RBFOX1: variants seen among roughly 807,000 people sequenced by gnomAD.
The protein encoded by RBFOX1 is RNA binding fox-1 homolog 1, also known as RNA binding protein fox-1 homolog 1.
RBFOX1 carries 8 observed loss-of-function variants against 57.7 expected under a neutral mutation model. The ratio of observed to expected loss-of-function variants is 0.14; its 90% CI spans 0.08 to 0.25. The LOEUF (loss-of-function observed/expected upper bound fraction) is 0.25. Ranked by LOEUF, RBFOX1 falls within the 10% of genes least tolerant of loss-of-function variation. The pLI is 1.00. For missense variants in RBFOX1, 611 were observed against 548.5 expected, an observed-to-expected ratio of 1.11 and a Z score of -1.14; for synonymous variants, 326 against 222.4, an observed-to-expected ratio of 1.47 and a Z score of -4.15.
At chr16:6,127,376 A>T (rs965154223) in intron 1 of RBFOX1, among the ~76,000 whole-genome samples, 1 of 151,790 alleles carries the variant, frequency 6.6e-6, no homozygotes, top group Admixed American at 6.6e-5. Flanking sequence ...TTTTTTAAAA[A>T]TTGCTCTCTG....
chr16:7,453,128 CAAAAAAA>C (rs35613776), intron 4 of RBFOX1, among the ~76,000 whole-genome samples: 4 of 113,248 alleles, frequency 3.5e-5, no homozygotes, highest in African/African-American at 3.4e-5. Context: ...GGCTTTGTCT[CAAAAAAA>C]AAAAAAAAAA....
At chr16:6,367,982 C>A (rs1157057347) in intron 2 of RBFOX1, among the ~76,000 whole-genome samples, 2 of 152,178 alleles carry the variant, frequency 1.3e-5, no homozygotes, top group Non-Finnish European at 2.9e-5. Flanking sequence ...AGAAGTAGCA[C>A]AAAGTAAGAT....
chr16:7,627,680 C>T (rs1327344052), intron 10 of RBFOX1, among the ~76,000 whole-genome samples: 2 of 152,114 alleles, frequency 1.3e-5, no homozygotes, highest in African/African-American at 2.4e-5. Context: ...CTTTTTAAAA[C>T]AAACACACTT....
chr16:5,377,637 T>G (rs2066021027), intron 1 of RBFOX1, among the ~76,000 whole-genome samples: 1 of 149,972 alleles, frequency 6.7e-6, no homozygotes, highest in African/African-American at 2.5e-5. Context: ...AGAACGAGAA[T>G]GAGAATGAGA....
At chr16:5,905,064 C>CT (rs57349384) in intron 4 of RBFOX1, among the ~76,000 whole-genome samples, 12,657 of 78,476 alleles carry the variant, frequency 0.16, 2,048 homozygotes, top group South Asian at 0.36. Context: ...ATGACTGGTG[C>CT]TTTTTTTTTT....
At chr16:5,713,234 G>C (rs549567450) in intron 3 of RBFOX1, among the ~76,000 whole-genome samples, 1 of 152,274 alleles carries the variant, frequency 6.6e-6, no homozygotes, top group East Asian at 1.9e-4. Context: ...CGAGGCCAAA[G>C]GTACTTCAAA....
chr16:5,976,130 G>T (rs1417602929), intron 4 of RBFOX1, among the ~76,000 whole-genome samples: 1 of 151,950 alleles, frequency 6.6e-6, no homozygotes, highest in East Asian at 1.9e-4. Context: ...GGGCAACAGA[G>T]TGAGATTCAA....
chr16:6,932,088 G>C (rs1445694838), intron 3 of RBFOX1, among the ~76,000 whole-genome samples: 2 of 151,934 alleles, frequency 1.3e-5, no homozygotes, highest in African/African-American at 4.8e-5. Flanking sequence ...CTTGGTTTTT[G>C]TTGTTGTTGT....
At chr16:6,124,130 A>C (rs1233000993) in intron 1 of RBFOX1, among the ~76,000 whole-genome samples, 1 of 152,114 alleles carries the variant, frequency 6.6e-6, no homozygotes, top group Admixed American at 6.6e-5. Context: ...TTTGCACCAC[A>C]CAGTTTGTAT....
chr16:5,449,400 A>G (rs1450205406), intron 1 of RBFOX1, among the ~76,000 whole-genome samples: 2 of 152,154 alleles, frequency 1.3e-5, no homozygotes, highest in Admixed American at 1.3e-4. Flanking sequence ...TCACAGTAGC[A>G]CAAACCTCAG....
intron 4 of RBFOX1, among the ~76,000 whole-genome samples, chr16:7,323,178 C>A (rs985405875): frequency 6.6e-6 from 1 of 152,148 alleles, no homozygotes; most frequent in Non-Finnish European, 1.5e-5. Flanking sequence ...AATGCCAGGA[C>A]TTTGGGAGGC....
chr16:6,909,495 TTCTG>T (rs1241610264), intron 3 of RBFOX1, among the ~76,000 whole-genome samples: 4 of 152,316 alleles, frequency 2.6e-5, no homozygotes, highest in Admixed American at 2.0e-4. Flanking sequence ...TGAGACAAGA[TTCTG>T]TCTATCACAC....
intron 3 of RBFOX1, among the ~76,000 whole-genome samples, chr16:5,664,913 C>T (rs1010264085): frequency 6.6e-6 from 1 of 151,980 alleles, no homozygotes; most frequent in Admixed American, 6.6e-5. Context: ...TCCATATTGT[C>T]ATCCCAGGTT....
At chr16:5,941,882 T>C (rs2059285543) in intron 4 of RBFOX1, among the ~76,000 whole-genome samples, 1 of 151,828 alleles carries the variant, frequency 6.6e-6, no homozygotes, top group Non-Finnish European at 1.5e-5. Flanking sequence ...CCGGCCTGAG[T>C]CTGCTTCAGA....
chr16:7,505,035 G>T (rs1036074970), intron 4 of RBFOX1, among the ~76,000 whole-genome samples: 7 of 151,002 alleles, frequency 4.6e-5, no homozygotes, highest in Non-Finnish European at 1.5e-5. Flanking sequence ...GCAGGGCAAC[G>T]GTGGATGGTT....
intron 3 of RBFOX1, among the ~76,000 whole-genome samples, chr16:6,670,068 T>C (rs1319446428): frequency 6.6e-6 from 1 of 152,146 alleles, no homozygotes; most frequent in African/African-American, 2.4e-5. Context: ...AGTGTCCACG[T>C]TGGAGTGCAG....
chr16:6,383,498 G>C (rs1225476800), intron 2 of RBFOX1, among the ~76,000 whole-genome samples: 1 of 152,168 alleles, frequency 6.6e-6, no homozygotes, highest in Non-Finnish European at 1.5e-5. Flanking sequence ...CACAGGGCTG[G>C]ACACAGTGGC....
At chr16:5,363,665 C>G (rs575103188) in intron 1 of RBFOX1, among the ~76,000 whole-genome samples, 1 of 152,154 alleles carries the variant, frequency 6.6e-6, no homozygotes, top group Non-Finnish European at 1.5e-5. Context: ...CCTTCTTGCA[C>G]ACTTTGGAAA....
At chr16:6,551,321 G>C (rs1231793193) in intron 2 of RBFOX1, among the ~76,000 whole-genome samples, 1 of 152,118 alleles carries the variant, frequency 6.6e-6, no homozygotes, top group Non-Finnish European at 1.5e-5. Context: ...TCTAGTCTGG[G>C]GCTGCCTCTT....
Sources: allele counts gnomAD v4.1 joint callset (sites outside exome capture counted in the v4.1 genomes callset), GRCh38; gene constraint gnomAD v4.1.1; transcripts MANE v1.5; gene names NCBI Gene and HGNC (gene_info 2026-07-23, HGNC 2026-07-21).